CLEC2B: variants seen among roughly 807,000 people sequenced by gnomAD.
CLEC2B encodes C-type lectin domain family 2 member B.
Under a neutral mutation model 16.2 loss-of-function variants are expected in CLEC2B, and 14 were observed. That is an observed-to-expected ratio of 0.86 (90% CI 0.57 to 1.35). The LOEUF (loss-of-function observed/expected upper bound fraction) is 1.35, where lower values mean the gene tolerates loss of function less well. Ranked by LOEUF, CLEC2B falls within the 40% of genes most tolerant of loss-of-function variation. The probability of loss-of-function intolerance (pLI) is 0.00; values close to 1 mark genes in which losing one functional copy is unlikely to be tolerated. For synonymous variants in CLEC2B, 42 were observed against 55.8 expected (o/e 0.75, Z 1.10); for missense variants, 166 against 182.3 (o/e 0.91, Z 0.52).
intron 2 of CLEC2B, among the ~76,000 whole-genome samples, chr12:9,858,066 T>A (rs1867907660): frequency 1.3e-5 from 2 of 152,028 alleles, no homozygotes; most frequent in African/African-American, 4.8e-5. Flanking sequence ...ACAAAATAAG[T>A]TGGACTGCTT....
At chr12:9,857,781 A>C (rs2136978065) in intron 2 of CLEC2B, 144 bp from the exon 3 acceptor site, 1 of 660,746 alleles carries the variant, frequency 1.5e-6, no homozygotes, top group African/African-American at 1.9e-5. Context: ...AGTTGAAAAA[A>C]TTTTATGTCT....
At chr12:9,859,971 T>C (rs893091141) in intron 2 of CLEC2B, among the ~76,000 whole-genome samples, 2 of 151,728 alleles carry the variant, frequency 1.3e-5, no homozygotes, top group East Asian at 1.9e-4. Context: ...AGATAAAGCA[T>C]TTGATATTTT....
chr12:9,867,107 C>T (rs1036640344), intron 1 of CLEC2B: 2 of 152,020 alleles, frequency 1.3e-5, no homozygotes, highest in Non-Finnish European at 2.9e-5. Context: ...GAGCTAGACC[C>T]GAAGAGGTCA....
In CLEC2B at chr12:9,853,087, G is replaced by A. The variant is rs199731258; in HGVS notation, c.*213C>T. 6.5e-4 allele frequency: 226 copies of A among 345,184 alleles called. 2 individuals are homozygous for A. Among genetic ancestry groups the A allele is most frequent in the Middle Eastern group, 4.1e-3 (5 of 1,218 alleles). The allele number at this position is 345,184 out of a possible 1,614,324, so 21.4% of individuals were successfully genotyped here. A position where few individuals can be genotyped will look rare whatever the true frequency, so the allele number is the denominator to read the frequency against. Reference sequence around the variant, plus strand: ...AAAGAAAGAAAGAAAGAAAGAAAGAGAGAGAGAGAAAGAAAGAAAGAAAAA... The same window carrying A: ...AAAGAAAGAAAGAAAGAAAGAAAGAAAGAGAGAGAAAGAAAGAAAGAAAAA... On this transcript the variant is annotated 3_prime_UTR_variant, in exon 5 of 5. Transcript: ENST00000228438.
intron 1 of CLEC2B, among the ~76,000 whole-genome samples, chr12:9,863,261 A>G (rs971737397): frequency 6.6e-6 from 1 of 151,876 alleles, no homozygotes; most frequent in African/African-American, 2.4e-5. Flanking sequence ...AGTCATAACA[A>G]GGAGGCCGAA....
chr12:9,854,560 A>G, intron 3 of CLEC2B, 76 bp from the exon 4 acceptor site: 1 of 953,346 alleles, frequency 1.0e-6, no homozygotes, highest in Non-Finnish European at 1.7e-6. Context: ...CTTGTTTCGT[A>G]GGTTGTGAAG....
intron 2 of CLEC2B, among the ~76,000 whole-genome samples, chr12:9,858,034 A>G (rs1867907467): frequency 6.6e-6 from 1 of 152,090 alleles, no homozygotes; most frequent in African/African-American, 2.4e-5. Context: ...ACAAAGAAGC[A>G]ACAAAAATAA....
At chr12:9,867,547 G>C (rs968340275) in intron 1 of CLEC2B, among the ~76,000 whole-genome samples, 1 of 152,060 alleles carries the variant, frequency 6.6e-6, no homozygotes, top group Non-Finnish European at 1.5e-5. Flanking sequence ...TTATTTACAT[G>C]AGTTATCAGA....
At chr12:9,856,748 G>T (rs546565855) in intron 3 of CLEC2B, among the ~76,000 whole-genome samples, 1 of 152,074 alleles carries the variant, frequency 6.6e-6, no homozygotes, top group East Asian at 1.9e-4. Flanking sequence ...TTCTTAAAGA[G>T]ACCAAACAAA....
intron 4 of CLEC2B, among the ~76,000 whole-genome samples, chr12:9,854,138 T>C (rs1224013517): frequency 6.6e-6 from 1 of 151,988 alleles, no homozygotes; most frequent in Non-Finnish European, 1.5e-5. Context: ...TGGGGGGAGT[T>C]GTGTATATGA....
At chr12:9,854,936 C>T (rs987904056) in intron 3 of CLEC2B, 6 of 168,044 alleles carry the variant, frequency 3.6e-5, no homozygotes, top group African/African-American at 1.4e-4. Context: ...CACACATACA[C>T]ATCCTCATAT....
rs140186685 is a variant in CLEC2B, at chr12:9,857,579, G to A, written c.132C>T (p.Asn44=). The change falls in exon 3 of 5, where the codon AAC becomes AAT. Residue 44 remains asparagine, a synonymous_variant. Coordinates refer to ENST00000228438, the MANE Select transcript of CLEC2B (RefSeq NM_005127.3). ...CTTCTTTAGAGAAATAATAGCATTT[G>A]TTTTGGAAACCAATCCAATCATAGG... ...LCPYDWIGFQ[N]KCYYFSKEEG... 15 of 1,611,230 alleles carry A rather than the reference G, an allele frequency of 9.3e-6. No individual in the cohort carries two copies. The East Asian group carries it at 1.8e-4, about 19-fold the overall frequency.
rs1867857037 is a variant in CLEC2B, at chr12:9,852,940, A to G, written c.*360T>C. 5.2e-6 allele frequency: 1 copy of G among 191,282 alleles called. No individual in the cohort carries two copies. The highest frequency in any genetic ancestry group is 1.1e-5 in the Non-Finnish European group (1 of 92,006). 11.8% of individuals were successfully genotyped at this position (191,282 alleles called of 1,614,324 possible). ...GACTCCCAGTTTCACATTTTGTTCA[A>G]TAGGCCATAATCTCCTATTCTGGTA... On this transcript the variant is annotated 3_prime_UTR_variant, in exon 5 of 5. Coordinates refer to ENST00000228438, the MANE Select transcript of CLEC2B (RefSeq NM_005127.3).
chr12:9,865,259 C>T (rs1042545915), intron 1 of CLEC2B, among the ~76,000 whole-genome samples: 5 of 149,146 alleles, frequency 3.4e-5, no homozygotes, highest in African/African-American at 1.2e-4. Context: ...ATGCAGCCTA[C>T]AGGAAATCTG....
intron 2 of CLEC2B, among the ~76,000 whole-genome samples, chr12:9,858,084 G>T (rs1204189149): frequency 5.3e-5 from 8 of 152,018 alleles, no homozygotes. Flanking sequence ...CTTATTGTCA[G>T]CTAGGAATCA....
Position 9,858,700 on chromosome 12 carries a change from G to A in CLEC2B, c.74-1063C>T, listed in dbSNP as rs1054851509. On this transcript the variant is annotated intron_variant, in intron 2 of 4. Transcript: ENST00000228438. Reference sequence around the variant, plus strand: ...ACATACACAGTGTGTATATATATATGTATATAGGTATGTGTACATATAAGG... The same window carrying A: ...ACATACACAGTGTGTATATATATATATATATAGGTATGTGTACATATAAGG... 2.6e-5 allele frequency among the ~76,000 whole-genome samples: 4 copies of A among 151,758 alleles called. No homozygotes were observed. In the South Asian group the frequency reaches 6.2e-4, roughly 24 times the overall value.
chr12:9,865,239 C>T (rs1464119489), intron 1 of CLEC2B, among the ~76,000 whole-genome samples: 2 of 145,212 alleles, frequency 1.4e-5, no homozygotes, highest in Non-Finnish European at 3.0e-5. Context: ...AAAGAGAAAA[C>T]CCTAACTGTA....
At chr12:9,864,276 C>T (rs1867954360) in intron 1 of CLEC2B, among the ~76,000 whole-genome samples, 1 of 151,702 alleles carries the variant, frequency 6.6e-6, no homozygotes, top group African/African-American at 2.4e-5. Flanking sequence ...GAATTCACCA[C>T]CACCAGACAT....
intron 1 of CLEC2B, among the ~76,000 whole-genome samples, chr12:9,864,125 A>G (rs1324250869): frequency 6.6e-6 from 1 of 151,084 alleles, no homozygotes; most frequent in Non-Finnish European, 1.5e-5. Flanking sequence ...TGGAAACCAT[A>G]CAGACCAAGA....
Sources: allele counts gnomAD v4.1 joint callset (sites outside exome capture counted in the v4.1 genomes callset), GRCh38; gene constraint gnomAD v4.1.1; transcripts MANE v1.5; gene names NCBI Gene and HGNC (gene_info 2026-07-23, HGNC 2026-07-21).